The following FLT3LG variants were observed in gnomAD, a reference collection of about 807,000 sequenced individuals.
FLT3LG encodes the protein fms-related tyrosine kinase 3 ligand.
Under a neutral mutation model 30.9 loss-of-function variants are expected in FLT3LG, and 8 were observed. The ratio of observed to expected loss-of-function variants is 0.26; its 90% CI spans 0.15 to 0.47. The LOEUF is 0.47. FLT3LG is among the 20% of genes least tolerant of loss of function. The probability of loss-of-function intolerance (pLI) is 0.99; values close to 1 mark genes in which losing one functional copy is unlikely to be tolerated. For synonymous variants in FLT3LG, 123 were observed against 135.9 expected (o/e 0.91, Z 0.66); for missense variants, 278 against 306.2 (o/e 0.91, Z 0.69).
intron 8 of FLT3LG, chr19:49,480,857 C>T (rs918161443): frequency 7.7e-6 from 4 of 522,328 alleles, no homozygotes; most frequent in Non-Finnish European, 1.4e-5. Context: ...CATGGCAAAC[C>T]CCAGTCTCTA....
chr19:49,475,823 C>T (rs1407392994), intron 3 of FLT3LG, 22 bp downstream of exon 3: 2 of 1,606,386 alleles, frequency 1.2e-6, no homozygotes, highest in Non-Finnish European at 1.7e-6. Flanking sequence ...TGCCCCGGAC[C>T]CCCTCATGTG....
In FLT3LG at chr19:49,480,610, G is replaced by C; in HGVS notation, c.*11G>C. The stretch of plus-strand genomic sequence containing the variant: ...CTTGTGGAGCACTGACCTGGCCAAG[G>C]CCTCATCCTGGTGAGTCCTTCCTGG... On this transcript the variant is annotated 3_prime_UTR_variant, in exon 8 of 9. Transcript: ENST00000597551. 6.2e-7 allele frequency: 1 copy of C among 1,611,196 alleles called. No individual in the cohort carries two copies. The highest frequency in any genetic ancestry group is 8.5e-7 in the Non-Finnish European group (1 of 1,178,828).
At chr19:49,481,944 C>T (rs750808747) in intron 8 of FLT3LG, 3 of 152,068 alleles carry the variant, frequency 2.0e-5, no homozygotes, top group South Asian at 2.1e-4. Context: ...CCGCCCGCCT[C>T]AGCCTCCCAA....
rs2079383833 is a variant in FLT3LG at position 49,476,079 on chromosome 19, C to T, written c.145-66C>T. 3 of 1,574,256 alleles carry T rather than the reference C, an allele frequency of 1.9e-6. No homozygotes were observed. Among genetic ancestry groups the T allele is most frequent in the East Asian group, 2.2e-5 (1 of 44,706 alleles). On this transcript the variant is annotated intron_variant, in intron 3 of 8. Coordinates refer to ENST00000597551, the MANE Select transcript of FLT3LG (RefSeq NM_001459.4). The surrounding 1 kb of genome is among the most constrained non-coding windows in gnomAD (Gnocchi z 5.3). ...TCTCTCTCTGGATCTCTGCTGCCAC[C>T]TCTGGGTCCCCACAGTTCTGTTTCT...
chr19:49,479,471 A>C, intron 6 of FLT3LG, among the ~76,000 whole-genome samples: 1 of 145,260 alleles, frequency 6.9e-6, no homozygotes, highest in Admixed American at 7.0e-5. Flanking sequence ...CTGGGATTAC[A>C]GGCGTGAGCC....
intron 6 of FLT3LG, 30 bp downstream of exon 6, chr19:49,479,077 C>A: frequency 6.3e-7 from 1 of 1,586,724 alleles, no homozygotes; most frequent in South Asian, 1.2e-5. Context: ...CCCACTCCTT[C>A]CCCTCCTGTC....
intron 8 of FLT3LG, among the ~76,000 whole-genome samples, chr19:49,485,016 G>T (rs993351778): frequency 6.6e-6 from 1 of 151,938 alleles, no homozygotes; most frequent in Non-Finnish European, 1.5e-5. Flanking sequence ...GAACCCGGGA[G>T]GCAGAGGCTG....
intron 3 of FLT3LG, 46 bp downstream of exon 3, chr19:49,475,847 C>A: frequency 1.3e-6 from 2 of 1,559,654 alleles, no homozygotes; most frequent in South Asian, 2.2e-5. Context: ...CCCCTTCCCC[C>A]CACTTTTTTT....
rs2079413118 is a variant in FLT3LG at position 49,476,878 on chromosome 19, G to T, written c.342+312G>T. ...CTAAACTGAGGAGGCCGGGCGTGGT[G>T]GCTCACTCCTGTAATCCTAGCACTT... On this transcript the variant is annotated intron_variant, in intron 5 of 8. Transcript: ENST00000597551. This position sits in a 1 kb window ranked among gnomAD's most constrained non-coding sequence, Gnocchi z 5.3. The T allele has an allele frequency of 2.9e-6, 1 of 344,390 alleles. No individual in the cohort carries two copies. 21.3% of individuals were successfully genotyped at this position (344,390 alleles called of 1,614,324 possible).
rs2079400448 is a variant in FLT3LG at position 49,476,519 on chromosome 19, G to A, written c.295G>A (p.Glu99Lys). ...TGGGTCCAAGATGCAAGGCTTGCTG[G>A]AGCGCGTGAACACGGAGATACACTT... is the stretch of plus-strand genomic sequence containing the variant. ...VAGSKMQGLL[E>K]RVNTEIHFVT... Residue 99 changes from glutamate (E) to lysine (K), a missense_variant, in exon 5 of 9, where the codon GAG becomes AAG. Physicochemically the swap from Glu to Lys is moderately conservative, Grantham distance 56 (BLOSUM62 1). Coordinates refer to ENST00000597551, the MANE Select transcript of FLT3LG (RefSeq NM_001459.4). This position sits in a 1 kb window ranked among gnomAD's most constrained non-coding sequence, Gnocchi z 5.3. 1 of 1,614,178 alleles carries A rather than the reference G, an allele frequency of 6.2e-7. No individual in the cohort carries two copies. Among genetic ancestry groups the A allele is most frequent in the East Asian group, 2.2e-5 (1 of 44,888 alleles).
intron 6 of FLT3LG, among the ~76,000 whole-genome samples, chr19:49,479,333 C>T (rs1416034882): frequency 5.0e-5 from 7 of 138,978 alleles, no homozygotes; most frequent in African/African-American, 8.1e-5. Context: ...TAGCTGGGAC[C>T]ACAGGCGCCC....
At position 49,476,623 on chromosome 19, in the gene FLT3LG, G is replaced by A; in HGVS notation, c.342+57G>A. Reference sequence around the variant, plus strand: ...GAGGGAGATGCCTTCCTACGAATTAGAAGTAAAGCTCCACTAGGCCTTATT... The same window carrying A: ...GAGGGAGATGCCTTCCTACGAATTAAAAGTAAAGCTCCACTAGGCCTTATT... On this transcript the variant is annotated intron_variant, in intron 5 of 8. Transcript: ENST00000597551. This position sits in a 1 kb window ranked among gnomAD's most constrained non-coding sequence, Gnocchi z 5.3. 1 of 1,609,908 alleles carries A rather than the reference G, an allele frequency of 6.2e-7. No homozygotes were observed. Among genetic ancestry groups the A allele is most frequent in the South Asian group, 1.1e-5 (1 of 90,836 alleles).
At chr19:49,479,323 T>C (rs1473004910) in intron 6 of FLT3LG, among the ~76,000 whole-genome samples, 15 of 141,472 alleles carry the variant, frequency 1.1e-4, no homozygotes, top group African/African-American at 1.9e-4. Flanking sequence ...GCCTCCCAAG[T>C]AGCTGGGACC....
In FLT3LG at chr19:49,479,038, T is replaced by C. The variant is rs1221204306; in HGVS notation, c.472T>C (p.Cys158Arg). 1 of 1,607,812 alleles carries C rather than the reference T, an allele frequency of 6.2e-7. No individual in the cohort carries two copies. The highest frequency in any genetic ancestry group is 8.5e-7 in the Non-Finnish European group (1 of 1,177,208). The part of the protein sequence containing the change: ...QNFSRCLELQ[C>R]QPDSSTLPPP... ...CTTCTCCCGGTGCCTGGAGCTGCAG[T>C]GTCAGCCCGGTAAAGGCTTCCAGGC... The change falls in exon 6 of 9, where the codon TGT (cysteine) becomes CGT (arginine). Residue 158 changes from cysteine (C) to arginine (R), a missense_variant. Cys to Arg is a radical substitution (Grantham distance 180). Around this residue, in one of 3 missense-constraint regions of FLT3LG, gnomAD observed 170 missense variants for 162.0 expected, o/e 1.05. Coordinates refer to ENST00000597551, the MANE Select transcript of FLT3LG (RefSeq NM_001459.4).
chr19:49,481,686 GGCTT>G (rs1184700301), intron 8 of FLT3LG: 6 of 152,224 alleles, frequency 3.9e-5, no homozygotes, highest in African/African-American at 1.4e-4. Context: ...ATGTGGGGCT[GGCTT>G]GCTTGCTTTA....
At chr19:49,474,747 T>G in intron 2 of FLT3LG, 75 bp downstream of exon 2, 4 of 1,461,648 alleles carry the variant, frequency 2.7e-6, no homozygotes, top group East Asian at 2.3e-5. Flanking sequence ...TGAGGGGAGA[T>G]GGACGGGAGA....
intron 2 of FLT3LG, among the ~76,000 whole-genome samples, chr19:49,475,031 A>T (rs1272825199): frequency 9.2e-6 from 1 of 108,388 alleles, no homozygotes; most frequent in African/African-American, 3.8e-5. Context: ...AGGGAGATGG[A>T]CAGAGAAGGG....
In FLT3LG at chr19:49,478,951, C is replaced by T. The variant is rs769895049; in HGVS notation, c.385C>T (p.Arg129Cys). ...CLRFVQTNIS[R>C]LLQETSEQLV... ...TCGCTTCGTCCAGACCAACATCTCC[C>T]GCCTCCTGCAGGAGACCTCCGAGCA... The change falls in exon 6 of 9, where the codon CGC (arginine) becomes TGC (cysteine). Residue 129 changes from arginine to cysteine, a missense_variant. By Grantham distance (180) the Arg-to-Cys change is radical (BLOSUM62 -3). Around this residue, in one of 3 missense-constraint regions of FLT3LG, gnomAD observed 170 missense variants for 162.0 expected, o/e 1.05. Coordinates refer to ENST00000597551, the MANE Select transcript of FLT3LG (RefSeq NM_001459.4). 5 of 1,570,746 alleles carry T rather than the reference C, an allele frequency of 3.2e-6. No individual in the cohort carries two copies. Among genetic ancestry groups the T allele is most frequent in the East Asian group, 2.4e-5 (1 of 41,644 alleles).
At chr19:49,481,388 G>C (rs933188259) in intron 8 of FLT3LG, 1 of 152,520 alleles carries the variant, frequency 6.6e-6, no homozygotes, top group Non-Finnish European at 1.5e-5. Context: ...AGCCTCCTGG[G>C]ACAGGAAGGA....
Sources: gnomAD v4.1 joint callset for allele counts (sites outside exome capture counted in the v4.1 genomes callset) on GRCh38, gnomAD v4.1.1 for gene constraint, gnomAD v4.1.1 regional missense constraint, Gnocchi (gnomAD v3.1) non-coding constraint, MANE v1.5 for transcripts, NCBI Gene and HGNC (gene_info 2026-07-23, HGNC 2026-07-21) for gene names.